SWAP70: variants seen among roughly 807,000 people sequenced by gnomAD.
SWAP70 encodes the protein switching B cell complex subunit SWAP70.
Under a neutral mutation model 80.2 loss-of-function variants are expected in SWAP70, and 34 were observed. The ratio of observed to expected loss-of-function variants is 0.42; its 90% CI spans 0.32 to 0.56. The LOEUF is 0.56. Ranked by LOEUF, SWAP70 falls within the 20% of genes least tolerant of loss-of-function variation. The pLI is 0.09. For synonymous variants in SWAP70, 239 were observed against 238.5 expected, an observed-to-expected ratio of 1.00 and a Z score of -0.02; for missense variants, 578 against 690.7, an observed-to-expected ratio of 0.84 and a Z score of 1.83.
In SWAP70 at chr11:9,664,378, G is replaced by T. The variant is rs1273005556; in HGVS notation, c.99+100G>T. ...ACCTGGCGGGCCGTGACCGCAGGGC[G>T]GGGCGGGTCGGAATGCGCCCGGTAG... On this transcript the variant is annotated intron_variant, in intron 1 of 11. Coordinates refer to ENST00000318950, the MANE Select transcript of SWAP70 (RefSeq NM_015055.4). 1.2e-5 allele frequency: 16 copies of T among 1,360,128 alleles called. No homozygotes were observed. In the East Asian group the frequency reaches 4.2e-4, roughly 36 times the overall value. 84.3% of individuals were successfully genotyped at this position (1,360,128 alleles called of 1,614,324 possible). A position where few individuals can be genotyped will look rare whatever the true frequency, so the allele number is the denominator to read the frequency against.
intron 1 of SWAP70, among the ~76,000 whole-genome samples, chr11:9,686,410 G>C (rs1184080960): frequency 1.4e-5 from 2 of 147,854 alleles, no homozygotes; most frequent in African/African-American, 5.0e-5. Flanking sequence ...GCCAGAGCTG[G>C]AGTACAGCGG....
Position 9,743,535 on chromosome 11 carries a change from A to C in SWAP70, c.1355+3188A>C, listed in dbSNP as rs550652628. Among the ~76,000 whole-genome samples the C allele has an allele frequency of 5.7e-3, 862 of 151,446 alleles. 7 individuals carry two copies. The highest frequency in any genetic ancestry group is 0.02 in the African/African-American group (812 of 40,902). On this transcript the variant is annotated intron_variant, in intron 9 of 11. Coordinates refer to ENST00000318950, the MANE Select transcript of SWAP70 (RefSeq NM_015055.4). ...CCACCAACAGTGTAAAAGTGTTCCT[A>C]TTTCTCCACATCCTCTCTAGCACCT... is the stretch of plus-strand genomic sequence containing the variant.
chr11:9,666,871 C>T (rs1252733040), intron 1 of SWAP70, among the ~76,000 whole-genome samples: 1 of 151,676 alleles, frequency 6.6e-6, no homozygotes, highest in East Asian at 1.9e-4. Flanking sequence ...ACTACAGACA[C>T]GTGCCACCAA....
At chr11:9,746,724 G>A (rs1005671067) in intron 9 of SWAP70, among the ~76,000 whole-genome samples, 9 of 152,240 alleles carry the variant, frequency 5.9e-5, no homozygotes, top group Non-Finnish European at 1.3e-4. Flanking sequence ...GTGGAACTAG[G>A]GTAGTGGATG....
At chr11:9,682,126 A>T (rs1463224590) in intron 1 of SWAP70, among the ~76,000 whole-genome samples, 2 of 152,308 alleles carry the variant, frequency 1.3e-5, no homozygotes, top group Non-Finnish European at 2.9e-5. Context: ...GTTGTTCTGC[A>T]GCAACTCTTT....
At chr11:9,692,304 A>G (rs927779361) in intron 1 of SWAP70, among the ~76,000 whole-genome samples, 1 of 151,350 alleles carries the variant, frequency 6.6e-6, no homozygotes, top group Admixed American at 6.6e-5. Context: ...ACTTAATACA[A>G]AGAAGAGCTA....
intron 1 of SWAP70, among the ~76,000 whole-genome samples, chr11:9,686,837 T>C (rs1590017597): frequency 6.6e-6 from 1 of 152,342 alleles, no homozygotes; most frequent in South Asian, 2.1e-4. Flanking sequence ...CTGCTATACA[T>C]TGTACAATGC....
intron 4 of SWAP70, among the ~76,000 whole-genome samples, chr11:9,725,533 ATATAT>A (rs1851200862): frequency 3.6e-5 from 1 of 27,450 alleles, no homozygotes; most frequent in African/African-American, 1.7e-4. Context: ...AATACAAAAT[ATATAT>A]ATATATATAT....
chr11:9,713,870 A>G (rs529686168), intron 3 of SWAP70, among the ~76,000 whole-genome samples: 72 of 152,340 alleles, frequency 4.7e-4, no homozygotes, highest in African/African-American at 1.6e-3. Flanking sequence ...CTAAATGGCT[A>G]TGATGATAAG....
At chr11:9,698,288 A>G (rs2645016) in intron 2 of SWAP70, among the ~76,000 whole-genome samples, 17,733 of 151,772 alleles carry the variant, frequency 0.12, 2,127 homozygotes, top group African/African-American at 0.3. Context: ...TTTTGTTGAG[A>G]TGGGGTTTTA....
At chr11:9,685,968 T>A (rs1020428919) in intron 1 of SWAP70, among the ~76,000 whole-genome samples, 1 of 152,178 alleles carries the variant, frequency 6.6e-6, no homozygotes, top group Admixed American at 6.5e-5. Context: ...ACATTGGAGA[T>A]TAAGTTTCAA....
At chr11:9,729,791 C>G (rs1005141528) in intron 6 of SWAP70, among the ~76,000 whole-genome samples, 1 of 152,034 alleles carries the variant, frequency 6.6e-6, no homozygotes, top group African/African-American at 2.4e-5. Context: ...TACGCCTGGC[C>G]GAGAGCTCTG....
At chr11:9,690,705 TAGTG>T (rs1361844030) in intron 1 of SWAP70, among the ~76,000 whole-genome samples, 1 of 151,872 alleles carries the variant, frequency 6.6e-6, no homozygotes. Context: ...TGGGCACACA[TAGTG>T]AGACCCCATC....
chr11:9,692,506 TA>T (rs1484824817), intron 1 of SWAP70, among the ~76,000 whole-genome samples: 1 of 152,048 alleles, frequency 6.6e-6, no homozygotes, highest in African/African-American at 2.4e-5. Flanking sequence ...TATCCGTACA[TA>T]GCAAGCTTTC....
intron 5 of SWAP70, among the ~76,000 whole-genome samples, chr11:9,728,883 C>T (rs1245051685): frequency 6.6e-6 from 1 of 152,108 alleles, no homozygotes; most frequent in Non-Finnish European, 1.5e-5. Flanking sequence ...TACCAAAGGC[C>T]AGTTTACTCA....
intron 1 of SWAP70, among the ~76,000 whole-genome samples, chr11:9,675,320 C>CGAGA (rs111414369): frequency 0.21 from 6,605 of 31,450 alleles, 1,683 homozygotes; most frequent in African/African-American, 0.35. Context: ...AGAGAGGGAG[C>CGAGA]GAGAGAGAGA....
At chr11:9,702,043 T>G (rs562544453) in intron 2 of SWAP70, among the ~76,000 whole-genome samples, 23 of 152,364 alleles carry the variant, frequency 1.5e-4, no homozygotes, top group Non-Finnish European at 2.5e-4. Context: ...TTTGGAAACA[T>G]ACACAAAAGA....
intron 9 of SWAP70, among the ~76,000 whole-genome samples, chr11:9,744,318 T>G (rs1031155330): frequency 6.6e-6 from 1 of 152,132 alleles, no homozygotes; most frequent in Non-Finnish European, 1.5e-5. Flanking sequence ...TTAATTTTTG[T>G]GGGTACACAG....
At position 9,748,106 on chromosome 11, in the gene SWAP70, A is replaced by T. The variant is rs111908643; in HGVS notation, c.1554+50A>T. 21 of 1,553,546 alleles carry T rather than the reference A, an allele frequency of 1.4e-5. No homozygotes were observed. The South Asian group carries it at 2.3e-4, about 17-fold the overall frequency. On this transcript the variant is annotated intron_variant, in intron 10 of 11. Transcript: ENST00000318950. Reference sequence around the variant, plus strand: ...TTGTATATTTAAATTTTTGAAAAACATTTCTCAATAATAGAATTATTTGCT... The same window carrying T: ...TTGTATATTTAAATTTTTGAAAAACTTTTCTCAATAATAGAATTATTTGCT...
Sources: gnomAD v4.1 joint callset for allele counts (sites outside exome capture counted in the v4.1 genomes callset) on GRCh38, gnomAD v4.1.1 for gene constraint, MANE v1.5 for transcripts, NCBI Gene and HGNC (gene_info 2026-07-23, HGNC 2026-07-21) for gene names.